The following EPB41 variants were observed in gnomAD, a reference collection of about 807,000 sequenced individuals.
The protein encoded by EPB41 is erythrocyte membrane protein band 4.1, also known as protein 4.1.
In EPB41, 65 loss-of-function variants were observed where a neutral mutation model predicts 108.0. The observed-to-expected ratio is 0.60, with a 90% CI of 0.49 to 0.74. The LOEUF (loss-of-function observed/expected upper bound fraction) is 0.74, where lower values mean the gene tolerates loss of function less well. Among genes scored for constraint, EPB41 ranks in the 30% least tolerant of loss-of-function variants. The pLI is 0.00. For synonymous variants in EPB41, 336 were observed against 358.9 expected (o/e 0.94, Z 0.72); for missense variants, 875 against 1,037.0 (o/e 0.84, Z 2.15).
At chr1:28,965,059 T>G (rs2095326340) in intron 1 of EPB41, among the ~76,000 whole-genome samples, 1 of 152,232 alleles carries the variant, frequency 6.6e-6, no homozygotes, top group Admixed American at 6.5e-5. Flanking sequence ...CTTATTTTTT[T>G]GCAACCTTGG....
intron 1 of EPB41, among the ~76,000 whole-genome samples, chr1:28,984,612 T>G (rs1019079967): frequency 6.6e-6 from 1 of 152,130 alleles, no homozygotes; most frequent in African/African-American, 2.4e-5. Flanking sequence ...CAGTTTGTAT[T>G]TATCAGATAT....
intron 4 of EPB41, among the ~76,000 whole-genome samples, chr1:29,011,122 CA>C (rs71022386): frequency 0.35 from 39,688 of 113,542 alleles, 6,849 homozygotes; most frequent in African/African-American, 0.58. Flanking sequence ...GAAACTCTGT[CA>C]AAAAAAAAAA....
intron 1 of EPB41, chr1:28,889,981 C>A (rs2089934019): frequency 6.1e-6 from 1 of 164,220 alleles, no homozygotes; most frequent in African/African-American, 2.4e-5. Flanking sequence ...AGAATTTTCC[C>A]AGGGCCTTAG....
At chr1:28,941,910 A>AG (rs2094304382) in intron 1 of EPB41, among the ~76,000 whole-genome samples, 1 of 151,278 alleles carries the variant, frequency 6.6e-6, no homozygotes, top group Non-Finnish European at 1.5e-5. Flanking sequence ...AAAAAAAAAA[A>AG]AAAAAGCAAA....
intron 16 of EPB41, among the ~76,000 whole-genome samples, chr1:29,091,420 C>G (rs913257796): frequency 6.6e-6 from 1 of 152,160 alleles, no homozygotes; most frequent in Non-Finnish European, 1.5e-5. Context: ...TTGGACAGCT[C>G]TATAGCCACT....
At chr1:28,991,709 A>T (rs2149585253) in intron 2 of EPB41, among the ~76,000 whole-genome samples, 1 of 151,748 alleles carries the variant, frequency 6.6e-6, no homozygotes, top group Middle Eastern at 3.4e-3. Flanking sequence ...TCTCAAAAAA[A>T]AAAAAAAAAA....
intron 1 of EPB41, among the ~76,000 whole-genome samples, chr1:28,980,141 T>C (rs2095702753): frequency 6.6e-6 from 1 of 152,030 alleles, no homozygotes; most frequent in Admixed American, 6.6e-5. Flanking sequence ...GAGACCAGCC[T>C]GGCAAAACAT....
chr1:29,086,425 C>T (rs1414201915), intron 16 of EPB41, among the ~76,000 whole-genome samples: 4 of 151,944 alleles, frequency 2.6e-5, no homozygotes, highest in African/African-American at 4.8e-5. Flanking sequence ...AGGCACATGC[C>T]ACCACACCCA....
At chr1:29,039,675 G>A (rs371076744) in intron 11 of EPB41, among the ~76,000 whole-genome samples, 3 of 151,998 alleles carry the variant, frequency 2.0e-5, no homozygotes, top group African/African-American at 7.3e-5. Flanking sequence ...TTAGCTGGGC[G>A]TGGCGGCATA....
At chr1:28,951,468 G>T (rs955523445) in intron 1 of EPB41, among the ~76,000 whole-genome samples, 2 of 152,060 alleles carry the variant, frequency 1.3e-5, no homozygotes, top group Non-Finnish European at 2.9e-5. Context: ...AAGCAAATCA[G>T]AAAAGACTTG....
At chr1:28,932,765 G>T (rs2093814753) in intron 1 of EPB41, among the ~76,000 whole-genome samples, 1 of 152,106 alleles carries the variant, frequency 6.6e-6, no homozygotes, top group South Asian at 2.1e-4. Context: ...AAATCACTTA[G>T]AAGCAAACTT....
intron 17 of EPB41, among the ~76,000 whole-genome samples, chr1:29,106,813 C>T (rs1012588273): frequency 2.0e-5 from 3 of 151,000 alleles, no homozygotes; most frequent in Admixed American, 6.6e-5. Flanking sequence ...CCTCGTGATC[C>T]GCCTGCCTTG....
At chr1:29,098,752 T>C (rs1156648292) in intron 17 of EPB41, among the ~76,000 whole-genome samples, 1 of 151,598 alleles carries the variant, frequency 6.6e-6, no homozygotes, top group Non-Finnish European at 1.5e-5. Flanking sequence ...TGTTTGTTTG[T>C]TTTTTGAGAC....
intron 1 of EPB41, among the ~76,000 whole-genome samples, chr1:28,971,176 C>CTTTCTTTTTTTTTTCTTTCTTTT (rs2095485726): frequency 1.0e-5 from 1 of 99,876 alleles, no homozygotes; most frequent in African/African-American, 4.3e-5. Flanking sequence ...TTCTTTCTTT[C>CTTTCTTTTTTTTTTCTTTCTTTT]TTTCTTTTTT....
intron 1 of EPB41, among the ~76,000 whole-genome samples, chr1:28,915,731 C>CTTTTTTTTTTTTTTTTTTTTTTTGTTTT (rs11321625): frequency 5.4e-5 from 3 of 56,074 alleles, no homozygotes; most frequent in Admixed American, 2.6e-4. Context: ...TTTTCAGATG[C>CTTTTTTTTTTTTTTTTTTTTTTTGTTTT]TTTTTTTTTT....
chr1:29,019,385 T>C (rs1024306696), intron 7 of EPB41, among the ~76,000 whole-genome samples: 6 of 152,214 alleles, frequency 3.9e-5, no homozygotes, highest in Non-Finnish European at 8.8e-5. Context: ...TGTAAAATAC[T>C]GAATACAATG....
At chr1:28,936,430 A>C (rs997911648) in intron 1 of EPB41, among the ~76,000 whole-genome samples, 1 of 152,192 alleles carries the variant, frequency 6.6e-6, no homozygotes, top group African/African-American at 2.4e-5. Context: ...TATAATTTAC[A>C]TATAAAATTT....
chr1:28,997,388 G>A, intron 4 of EPB41, 69 bp downstream of exon 4: 1 of 939,416 alleles, frequency 1.1e-6, no homozygotes, highest in East Asian at 2.4e-5. Flanking sequence ...TGTTAAGAAT[G>A]TATCTATACC....
At chr1:29,095,536 C>T (rs554845985) in intron 16 of EPB41, among the ~76,000 whole-genome samples, 4 of 152,130 alleles carry the variant, frequency 2.6e-5, no homozygotes, top group South Asian at 2.1e-4. Flanking sequence ...TGTGGGAGGC[C>T]GTGGTGGGAG....
Sources: allele counts gnomAD v4.1 joint callset (sites outside exome capture counted in the v4.1 genomes callset), GRCh38; gene constraint gnomAD v4.1.1; transcripts MANE v1.5; gene names NCBI Gene and HGNC (gene_info 2026-07-23, HGNC 2026-07-21).